The following PHACTR1 variants were observed in gnomAD, a reference collection of about 807,000 sequenced individuals.
PHACTR1 encodes the protein phosphatase and actin regulator 1, also known as RPEL repeat containing 1.
PHACTR1 carries 16 observed loss-of-function variants against 69.2 expected under a neutral mutation model. The observed-to-expected ratio is 0.23, with a 90% CI of 0.16 to 0.35. PHACTR1 has a LOEUF of 0.35. Among genes scored for constraint, PHACTR1 ranks in the 10% least tolerant of loss-of-function variants. PHACTR1 has a pLI of 1.00. For missense variants in PHACTR1, 510 were observed against 734.7 expected, an observed-to-expected ratio of 0.69 and a Z score of 3.54; for synonymous variants, 312 against 284.5, an observed-to-expected ratio of 1.10 and a Z score of -0.97.
At chr6:12,935,009 TTCTC>T (rs1789282271) in intron 4 of PHACTR1, among the ~76,000 whole-genome samples, 2 of 152,210 alleles carry the variant, frequency 1.3e-5, no homozygotes, top group African/African-American at 4.8e-5. Flanking sequence ...GTGCCTCACT[TTCTC>T]TATCTTTAAA....
At position 13,104,011 on chromosome 6, in the gene PHACTR1, G is replaced by A. The variant is rs1313635874; in HGVS notation, c.415+50482G>A. Among the ~76,000 whole-genome samples the A allele has an allele frequency of 3.3e-5, 5 of 152,310 alleles. No individual in the cohort carries two copies. The East Asian group carries it at 7.7e-4, about 24-fold the overall frequency. On this transcript the variant is annotated intron_variant, in intron 5 of 14. Coordinates refer to ENST00000332995, the MANE Select transcript of PHACTR1 (RefSeq NM_030948.6). ...AGGCAGGAAAATCGCCTGAACCCGG[G>A]AGGTGAAGGTTGCAGTGAGCTGAGA... is the stretch of plus-strand genomic sequence containing the variant.
chr6:13,103,588 G>A (rs1815544117), intron 5 of PHACTR1, among the ~76,000 whole-genome samples: 2 of 152,062 alleles, frequency 1.3e-5, no homozygotes, highest in Admixed American at 1.3e-4. Context: ...GTTATTATGG[G>A]GTAGAAGTGT....
chr6:13,142,721 G>A (rs1822684248), intron 5 of PHACTR1, among the ~76,000 whole-genome samples: 1 of 151,916 alleles, frequency 6.6e-6, no homozygotes, highest in South Asian at 2.1e-4. Flanking sequence ...TAATATGAGA[G>A]TTTATTTCTG....
At chr6:13,217,875 A>G (rs995443815) in intron 8 of PHACTR1, among the ~76,000 whole-genome samples, 22 of 152,226 alleles carry the variant, frequency 1.4e-4, no homozygotes, top group African/African-American at 5.3e-4. Flanking sequence ...CAGGCACTGC[A>G]ATTTGCAGCA....
chr6:12,933,936 G>C, intron 4 of PHACTR1: 4 of 1,602,404 alleles, frequency 2.5e-6, no homozygotes, highest in Non-Finnish European at 3.4e-6. Context: ...GAAAATGCGG[G>C]TTGGCGTGTG....
At chr6:12,923,926 C>G (rs912296443) in intron 4 of PHACTR1, among the ~76,000 whole-genome samples, 2 of 152,212 alleles carry the variant, frequency 1.3e-5, no homozygotes, top group Non-Finnish European at 2.9e-5. Flanking sequence ...GTTTGCCTCT[C>G]TAAACACCAC....
chr6:12,895,930 G>A (rs1302748750), intron 4 of PHACTR1, among the ~76,000 whole-genome samples: 1 of 152,158 alleles, frequency 6.6e-6, no homozygotes, highest in Non-Finnish European at 1.5e-5. Flanking sequence ...ATCATGTCAA[G>A]GAGACCTCAT....
chr6:12,795,411 A>G (rs1772853192), intron 4 of PHACTR1, among the ~76,000 whole-genome samples: 1 of 152,198 alleles, frequency 6.6e-6, no homozygotes, highest in Non-Finnish European at 1.5e-5. Context: ...CCTTTCCAGG[A>G]AACTCATTAA....
intron 4 of PHACTR1, among the ~76,000 whole-genome samples, chr6:12,851,156 AT>A (rs1218362729): frequency 2.6e-5 from 4 of 152,228 alleles, no homozygotes; most frequent in African/African-American, 9.6e-5. Context: ...AAGGCAATAG[AT>A]TTAGAAAATC....
At chr6:12,875,849 C>T (rs1782478146) in intron 4 of PHACTR1, among the ~76,000 whole-genome samples, 1 of 152,052 alleles carries the variant, frequency 6.6e-6, no homozygotes. Context: ...TTCTGTGTTG[C>T]TTATGAATCT....
rs921851786 is a variant in PHACTR1 at position 13,107,075 on chromosome 6, G to T, written c.416-53129G>T. Among the ~76,000 whole-genome samples the T allele has an allele frequency of 2.0e-5, 3 of 149,794 alleles. No individual in the cohort carries two copies. In the Admixed American group the frequency reaches 2.0e-4, roughly 10 times the overall value. ...AAGTTAACATTATAAAATGAGTTAG[G>T]AGATGTTTCCTTCTCTCTCTCTCTC... On this transcript the variant is annotated intron_variant, in intron 5 of 14. Coordinates refer to ENST00000332995, the MANE Select transcript of PHACTR1 (RefSeq NM_030948.6).
At chr6:13,104,042 C>CTACT (rs1315757036) in intron 5 of PHACTR1, among the ~76,000 whole-genome samples, 5 of 152,184 alleles carry the variant, frequency 3.3e-5, no homozygotes, top group African/African-American at 9.7e-5. Context: ...TGAGATCGCA[C>CTACT]TGCTGCACTC....
intron 4 of PHACTR1, among the ~76,000 whole-genome samples, chr6:12,978,164 C>T (rs750760026): frequency 3.9e-5 from 6 of 152,156 alleles, no homozygotes; most frequent in Non-Finnish European, 8.8e-5. Flanking sequence ...CTTGGCTAGG[C>T]CCCTGAGTAC....
chr6:12,751,736 A>G (rs866786965), intron 4 of PHACTR1, among the ~76,000 whole-genome samples: 1 of 152,204 alleles, frequency 6.6e-6, no homozygotes. Context: ...TCTGGAAATA[A>G]ATAAGCCAGA....
chr6:13,129,949 A>G (rs2127964067), intron 5 of PHACTR1, among the ~76,000 whole-genome samples: 1 of 152,262 alleles, frequency 6.6e-6, no homozygotes, highest in East Asian at 1.9e-4. Flanking sequence ...AAGTACCCCA[A>G]GTATCCTCTC....
rs748743403 is a variant in PHACTR1, at chr6:13,283,473, C to T, written c.1561C>T (p.Arg521Cys). 4 of 1,613,788 alleles carry T rather than the reference C, an allele frequency of 2.5e-6. No individual in the cohort carries two copies. The highest frequency in any genetic ancestry group is 2.7e-5 in the African/African-American group (2 of 74,918). ...EELRERKILI[R>C]FSDYVEVADA... The stretch of plus-strand genomic sequence containing the variant: ...GCTTCGGGAAAGAAAGATCCTCATC[C>T]GCTTCAGTGACTACGTGGAGGTGGC... Residue 521 changes from arginine to cysteine, a missense_variant, in exon 13 of 15, where the codon CGC becomes TGC. Physicochemically the swap from Arg to Cys is radical, Grantham distance 180. Coordinates refer to ENST00000332995, the MANE Select transcript of PHACTR1 (RefSeq NM_030948.6). The surrounding 1 kb of genome is among the most constrained non-coding windows in gnomAD (Gnocchi z 4.7).
At chr6:12,971,155 G>C (rs1415733802) in intron 4 of PHACTR1, among the ~76,000 whole-genome samples, 1 of 152,166 alleles carries the variant, frequency 6.6e-6, no homozygotes, top group African/African-American at 2.4e-5. Flanking sequence ...TCATGTCCCA[G>C]GGCTGAGCAG....
intron 5 of PHACTR1, among the ~76,000 whole-genome samples, chr6:13,120,298 T>C (rs1036115400): frequency 6.6e-6 from 1 of 151,958 alleles, no homozygotes; most frequent in Non-Finnish European, 1.5e-5. Flanking sequence ...AGAAAAACAT[T>C]CCATTTAAAC....
intron 3 of PHACTR1, among the ~76,000 whole-genome samples, chr6:12,723,577 C>A (rs1352889723): frequency 6.6e-6 from 1 of 150,552 alleles, no homozygotes; most frequent in African/African-American, 2.4e-5. Context: ...CTCACTGCAG[C>A]CTCAAACGCC....
Sources: allele counts gnomAD v4.1 joint callset (sites outside exome capture counted in the v4.1 genomes callset), GRCh38; gene constraint gnomAD v4.1.1; non-coding constraint Gnocchi (gnomAD v3.1); transcripts MANE v1.5; gene names NCBI Gene and HGNC (gene_info 2026-07-23, HGNC 2026-07-21).